MALRD1: variants seen among roughly 807,000 people sequenced by gnomAD.
The protein encoded by MALRD1 is MAM and LDL receptor class A domain containing 1.
In MALRD1, 247 loss-of-function variants were observed where a neutral mutation model predicts 242.1. The observed-to-expected ratio is 1.02, with a 90% CI of 0.92 to 1.13. MALRD1 has a LOEUF of 1.13. Ranked by LOEUF, MALRD1 falls within the 50% of genes most tolerant of loss-of-function variation. The pLI is 0.00. For missense variants in MALRD1, 2,989 were observed against 2,533.1 expected, an observed-to-expected ratio of 1.18 and a Z score of -3.86; for synonymous variants, 995 against 866.6, an observed-to-expected ratio of 1.15 and a Z score of -2.60.
chr10:19,672,456 C>G (rs1031744272), intron 36 of MALRD1, among the ~76,000 whole-genome samples: 2 of 141,128 alleles, frequency 1.4e-5, no homozygotes, highest in Non-Finnish European at 3.0e-5. Flanking sequence ...GGCAGTCTCT[C>G]TCTCTCACCT....
chr10:19,726,742 A>T (rs181558825), intron 38 of MALRD1, among the ~76,000 whole-genome samples: 1 of 152,246 alleles, frequency 6.6e-6, no homozygotes, highest in Non-Finnish European at 1.5e-5. Flanking sequence ...TGACATATAC[A>T]TGCAAGGGAA....
At chr10:19,063,202 T>A (rs1163843151) in intron 1 of MALRD1, among the ~76,000 whole-genome samples, 2 of 151,806 alleles carry the variant, frequency 1.3e-5, no homozygotes, top group Non-Finnish European at 2.9e-5. Context: ...GAAACAAGGG[T>A]AGGACTCTGA....
At chr10:19,714,862 A>C (rs193044594) in intron 38 of MALRD1, among the ~76,000 whole-genome samples, 1 of 152,242 alleles carries the variant, frequency 6.6e-6, no homozygotes, top group African/African-American at 2.4e-5. Context: ...GACCTTTCCA[A>C]ATTGTGAAAC....
At chr10:19,415,910 G>A (rs1479818889) in intron 28 of MALRD1, among the ~76,000 whole-genome samples, 3 of 152,060 alleles carry the variant, frequency 2.0e-5, no homozygotes, top group Non-Finnish European at 2.9e-5. Context: ...TTAAGAATAC[G>A]GCTTGATAAA....
Position 19,341,456 on chromosome 10 carries a change from ATATATATG to A in MALRD1, c.3902-6299_3902-6292del, listed in dbSNP as rs1437207160. ...ACTATATGTATATATATATATGTGT[ATATATATG>A]TATATATGTATATATATGTGTATAT... On this transcript the variant is annotated intron_variant, in intron 24 of 39. Coordinates refer to ENST00000454679, the MANE Select transcript of MALRD1 (RefSeq NM_001142308.3). 2.6e-3 allele frequency among the ~76,000 whole-genome samples: 323 copies of A among 122,632 alleles called. 3 individuals are homozygous for A. The highest frequency in any genetic ancestry group is 8.5e-3 in the African/African-American group (290 of 33,950). The allele number at this position is 122,632 out of a possible 152,430, so 80.5% of individuals were successfully genotyped here.
chr10:19,172,354 G>A (rs1034106051), intron 13 of MALRD1, among the ~76,000 whole-genome samples: 16 of 151,314 alleles, frequency 1.1e-4, no homozygotes, highest in Admixed American at 5.3e-4. Context: ...TTTAAAATTC[G>A]TATGATTTTA....
intron 26 of MALRD1, among the ~76,000 whole-genome samples, chr10:19,365,628 C>A (rs752497102): frequency 3.6e-5 from 5 of 138,878 alleles, no homozygotes; most frequent in Non-Finnish European, 6.1e-5. Context: ...TAAGATTTCT[C>A]AGTCTGATAA....
At chr10:19,585,416 G>A (rs1295340076) in intron 33 of MALRD1, among the ~76,000 whole-genome samples, 19 of 152,002 alleles carry the variant, frequency 1.2e-4, no homozygotes, top group Non-Finnish European at 2.2e-4. Flanking sequence ...TTTAGGGCAG[G>A]CCTGGTGGTG....
At chr10:19,625,774 C>T (rs1204723610) in intron 36 of MALRD1, among the ~76,000 whole-genome samples, 3 of 152,092 alleles carry the variant, frequency 2.0e-5, no homozygotes. Context: ...AATTGTGTAT[C>T]TAAGTGGGAG....
In MALRD1 at chr10:19,113,834, C is replaced by CACACACAG. The variant is rs1554791249; in HGVS notation, c.695-9651_695-9650insGACACACA. On this transcript the variant is annotated intron_variant, in intron 5 of 39. Coordinates refer to ENST00000454679, the MANE Select transcript of MALRD1 (RefSeq NM_001142308.3). The stretch of plus-strand genomic sequence containing the variant: ...ACACACACACACACACACACACAGA[C>CACACACAG]ACACACACACAGACACATGTGTATT... Among the ~76,000 whole-genome samples the CACACACAG allele has an allele frequency of 9.3e-4, 140 of 150,000 alleles. 1 individual carries two copies. The highest frequency in any genetic ancestry group is 3.2e-3 in the African/African-American group (130 of 40,898).
At chr10:19,489,391 C>G (rs775273115) in intron 29 of MALRD1, 31 of 552,120 alleles carry the variant, frequency 5.6e-5, no homozygotes, top group Non-Finnish European at 1.1e-4. Flanking sequence ...AGAAAGTAGC[C>G]AAGTCTGATT....
At chr10:19,055,625 A>T (rs1834640215) in intron 1 of MALRD1, among the ~76,000 whole-genome samples, 1 of 152,166 alleles carries the variant, frequency 6.6e-6, no homozygotes. Context: ...CTGCATATGG[A>T]TGTCCAGTTT....
At chr10:19,103,606 A>G (rs1836357847) in intron 4 of MALRD1, among the ~76,000 whole-genome samples, 2 of 151,914 alleles carry the variant, frequency 1.3e-5, no homozygotes, top group South Asian at 2.1e-4. Context: ...GATGGGACAC[A>G]ATTGCAAAAT....
At chr10:19,221,387 G>A (rs1194136793) in intron 18 of MALRD1, among the ~76,000 whole-genome samples, 1 of 152,092 alleles carries the variant, frequency 6.6e-6, no homozygotes, top group Non-Finnish European at 1.5e-5. Flanking sequence ...TGCATTGAAA[G>A]GTTTTGGAAG....
chr10:19,294,863 A>G (rs1458832116), intron 21 of MALRD1, among the ~76,000 whole-genome samples: 2 of 152,270 alleles, frequency 1.3e-5, no homozygotes, highest in East Asian at 1.9e-4. Context: ...AAGACAATAC[A>G]TTAACCATAA....
chr10:19,304,124 A>G (rs1842066815), intron 21 of MALRD1, among the ~76,000 whole-genome samples: 1 of 151,758 alleles, frequency 6.6e-6, no homozygotes, highest in Non-Finnish European at 1.5e-5. Flanking sequence ...CCAAGTGAGC[A>G]GGCACCATTC....
intron 29 of MALRD1, among the ~76,000 whole-genome samples, chr10:19,452,976 T>C (rs1835411190): frequency 6.6e-6 from 1 of 152,214 alleles, no homozygotes; most frequent in African/African-American, 2.4e-5. Context: ...AGTATTTTCA[T>C]CATACGTTTA....
intron 36 of MALRD1, among the ~76,000 whole-genome samples, chr10:19,683,582 C>A: frequency 6.6e-6 from 1 of 152,070 alleles, no homozygotes; most frequent in East Asian, 1.9e-4. Flanking sequence ...TTTCTCTTTC[C>A]AGCATCACAG....
intron 32 of MALRD1, among the ~76,000 whole-genome samples, chr10:19,563,623 A>AGTCT (rs1836108816): frequency 6.6e-6 from 1 of 152,212 alleles, no homozygotes; most frequent in South Asian, 2.1e-4. Context: ...AGAGACTTCA[A>AGTCT]GTCAGTGCCA....
Sources: gnomAD v4.1 joint callset for allele counts (sites outside exome capture counted in the v4.1 genomes callset) on GRCh38, gnomAD v4.1.1 for gene constraint, MANE v1.5 for transcripts, NCBI Gene and HGNC (gene_info 2026-07-23, HGNC 2026-07-21) for gene names.